Variants in DYNAP observed in about 807,000 individuals in gnomAD.
DYNAP encodes dynactin-associated protein.
Under a neutral mutation model 8.5 loss-of-function variants are expected in DYNAP, and 7 were observed. The observed-to-expected ratio is 0.82, with a 90% CI of 0.47 to 1.54. The LOEUF (loss-of-function observed/expected upper bound fraction) is 1.54, where lower values mean the gene tolerates loss of function less well. Among genes scored for constraint, DYNAP ranks in the 40% most tolerant of loss-of-function variants. The pLI, the probability that DYNAP is intolerant of heterozygous loss-of-function variation, is 0.01. For missense variants in DYNAP, 256 were observed against 224.3 expected (o/e 1.14, Z -0.90); for synonymous variants, 77 against 77.9 (o/e 0.99, Z 0.06).
At position 54,597,853 on chromosome 18, in the gene DYNAP, T is replaced by G. The variant is rs755238610; in HGVS notation, c.263T>G (p.Val88Gly). Reference sequence around the variant, plus strand: ...CGCAATGACTGGTCTATGTGGAAAGTCTTCCTGGCTTGTCTCTTAGCCTGT... The same window carrying G: ...CGCAATGACTGGTCTATGTGGAAAGGCTTCCTGGCTTGTCTCTTAGCCTGT... ...YCRNDWSMWK[V>G]FLACLLACVI... is the part of the protein sequence containing the mutation. Residue 88 changes from valine to glycine, a missense_variant, in exon 3 of 3, where the codon GTC (valine) becomes GGC (glycine). Physicochemically the swap from Val to Gly is moderately radical, Grantham distance 109 (BLOSUM62 -3). Transcript: ENST00000648945. The G allele has an allele frequency of 6.2e-7, 1 of 1,613,020 alleles. No homozygotes were observed. Among genetic ancestry groups the G allele is most frequent in the East Asian group, 2.2e-5 (1 of 44,844 alleles).
At chr18:54,586,687 C>T (rs180776894), upstream of DYNAP, among the ~76,000 whole-genome samples, 50 of 152,196 alleles carry the variant, frequency 3.3e-4, 1 homozygote, top group African/African-American at 1.1e-3. Context: ...AGACAAGAAA[C>T]GAATGGTTAT....
the DYNAP span, among the ~76,000 whole-genome samples, chr18:54,578,660 G>A: frequency 1.3e-5 from 2 of 152,282 alleles, no homozygotes; most frequent in East Asian, 3.9e-4. Flanking sequence ...GTGTTTATGT[G>A]AATCTTTCGC....
intron 1 of DYNAP, among the ~76,000 whole-genome samples, chr18:54,594,324 T>C (rs80055416): frequency 4.3e-4 from 66 of 152,254 alleles, no homozygotes; most frequent in Non-Finnish European, 8.1e-4. Context: ...TTCCATTGGA[T>C]AGAGCATGGT....
At chr18:54,579,954 T>C in the DYNAP span, among the ~76,000 whole-genome samples, 1 of 152,234 alleles carries the variant, frequency 6.6e-6, no homozygotes, top group Admixed American at 6.5e-5. Flanking sequence ...CATCTGGATA[T>C]TTTGATGTAA....
upstream of DYNAP, among the ~76,000 whole-genome samples, chr18:54,587,491 C>T (rs1312009255): frequency 6.6e-6 from 1 of 152,078 alleles, no homozygotes; most frequent in Non-Finnish European, 1.5e-5. Flanking sequence ...AAATATGGTA[C>T]ATATATTGCA....
At chr18:54,593,175 C>A (rs965421264) in intron 1 of DYNAP, among the ~76,000 whole-genome samples, 4 of 151,952 alleles carry the variant, frequency 2.6e-5, no homozygotes, top group African/African-American at 9.7e-5. Flanking sequence ...CCAGGAGTAT[C>A]CCATCTTAAC....
upstream of DYNAP, among the ~76,000 whole-genome samples, chr18:54,585,933 C>T (rs891866511): frequency 2.6e-5 from 4 of 152,090 alleles, no homozygotes; most frequent in Admixed American, 6.5e-5. Context: ...CACTGTACAC[C>T]GAGCCTGGCT....
At chr18:54,584,821 A>G (rs1910821560), upstream of DYNAP, among the ~76,000 whole-genome samples, 1 of 152,170 alleles carries the variant, frequency 6.6e-6, no homozygotes, top group South Asian at 2.1e-4. Flanking sequence ...CTTTTTGTGT[A>G]GTTGCAATAT....
At chr18:54,593,023 A>G (rs1270305633) in intron 1 of DYNAP, among the ~76,000 whole-genome samples, 1 of 152,208 alleles carries the variant, frequency 6.6e-6, no homozygotes, top group Non-Finnish European at 1.5e-5. Context: ...GGGTATTAAC[A>G]AAGATAAATT....
the DYNAP span, among the ~76,000 whole-genome samples, chr18:54,579,088 C>T: frequency 1.3e-5 from 2 of 152,036 alleles, no homozygotes; most frequent in African/African-American, 2.4e-5. Context: ...TGTGAGCCAC[C>T]GCGCCCGGCC....
At chr18:54,591,084 A>C, upstream of DYNAP, 9 of 934,096 alleles carry the variant, frequency 9.6e-6, no homozygotes, top group South Asian at 5.1e-5. Flanking sequence ...GTCTTTCTGC[A>C]GTTAACATTT....
chr18:54,583,420 T>G (rs1910781976), upstream of DYNAP, among the ~76,000 whole-genome samples: 1 of 152,194 alleles, frequency 6.6e-6, no homozygotes, highest in South Asian at 2.1e-4. Context: ...TGGGAATACA[T>G]CTCATTGGCA....
At chr18:54,593,831 G>A (rs1020501320) in intron 1 of DYNAP, among the ~76,000 whole-genome samples, 1 of 152,106 alleles carries the variant, frequency 6.6e-6, no homozygotes, top group African/African-American at 2.4e-5. Flanking sequence ...TACTCAGAAG[G>A]CTGAGATGAG....
At chr18:54,595,478 A>T (rs373035028) in intron 2 of DYNAP, among the ~76,000 whole-genome samples, 8 of 152,226 alleles carry the variant, frequency 5.3e-5, no homozygotes, top group African/African-American at 1.9e-4. Context: ...GGAGACTGTC[A>T]TATTTAAAGT....
At position 54,591,420 on chromosome 18, in the gene DYNAP, A is replaced by G. The variant is rs968385781; in HGVS notation, c.57+81A>G. 1.7e-5 allele frequency: 25 copies of G among 1,462,416 alleles called. No homozygotes were observed. In the African/African-American group the frequency reaches 3.0e-4, roughly 17 times the overall value. The allele number at this position is 1,462,416 out of a possible 1,614,324, so 90.6% of individuals were successfully genotyped here. A position where few individuals can be genotyped will look rare whatever the true frequency, so the allele number is the denominator to read the frequency against. ...CATTTAAAAGCAGTTTAATCTCTTTATTACTATCTAGCCAACATCATAATT... is the reference window on the plus strand; with the variant it reads ...CATTTAAAAGCAGTTTAATCTCTTTGTTACTATCTAGCCAACATCATAATT... On this transcript the variant is annotated intron_variant, in intron 1 of 2. Coordinates refer to ENST00000648945, the MANE Select transcript of DYNAP (RefSeq NM_173629.3).
At chr18:54,586,059 C>G (rs568007150), upstream of DYNAP, among the ~76,000 whole-genome samples, 1 of 152,288 alleles carries the variant, frequency 6.6e-6, no homozygotes, top group East Asian at 1.9e-4. Flanking sequence ...AGTTATGGTT[C>G]TGGACCTTAT....
At chr18:54,579,537 G>A in the DYNAP span, among the ~76,000 whole-genome samples, 1 of 152,198 alleles carries the variant, frequency 6.6e-6, no homozygotes, top group Non-Finnish European at 1.5e-5. Context: ...AACAAATGTG[G>A]ATATGTAGTT....
chr18:54,584,190 C>A (rs1910803276), upstream of DYNAP, among the ~76,000 whole-genome samples: 1 of 150,260 alleles, frequency 6.7e-6, no homozygotes, highest in South Asian at 2.1e-4. Flanking sequence ...AAATACACAC[C>A]TGATGATACA....
intron 2 of DYNAP, among the ~76,000 whole-genome samples, chr18:54,596,379 G>T (rs1911289402): frequency 2.0e-5 from 3 of 151,998 alleles, no homozygotes; most frequent in African/African-American, 7.2e-5. Flanking sequence ...AGCCTCTGCT[G>T]GTTCTTAAAC....
Sources: allele counts gnomAD v4.1 joint callset (sites outside exome capture counted in the v4.1 genomes callset), GRCh38; gene constraint gnomAD v4.1.1; transcripts MANE v1.5; gene names NCBI Gene and HGNC (gene_info 2026-07-23, HGNC 2026-07-21).